DST: variants seen among roughly 807,000 people sequenced by gnomAD.
DST encodes the protein bullous pemphigoid antigen.
DST carries 253 observed loss-of-function variants against 875.2 expected under a neutral mutation model. The observed-to-expected ratio is 0.29, with a 90% CI of 0.26 to 0.32. The LOEUF is 0.32. DST is among the 10% of genes least tolerant of loss of function. The pLI, the probability that DST is intolerant of heterozygous loss-of-function variation, is 1.00. For synonymous variants in DST, 3,124 were observed against 3,197.1 expected, an observed-to-expected ratio of 0.98 and a Z score of 0.77; for missense variants, 8,287 against 9,111.6, an observed-to-expected ratio of 0.91 and a Z score of 3.68.
At chr6:56,562,919 T>C (rs1025419337) in intron 55 of DST, among the ~76,000 whole-genome samples, 1 of 152,154 alleles carries the variant, frequency 6.6e-6, no homozygotes, top group Non-Finnish European at 1.5e-5. Context: ...GACATGAACA[T>C]ATCCTTTTTT....
At chr6:56,520,803 T>C (rs2096682798) in intron 69 of DST, among the ~76,000 whole-genome samples, 1 of 152,058 alleles carries the variant, frequency 6.6e-6, no homozygotes, top group Non-Finnish European at 1.5e-5. Context: ...CCTATTTGTG[T>C]TTTCTCTCTT....
chr6:56,656,363 T>G (rs2099008632), intron 10 of DST, among the ~76,000 whole-genome samples: 2 of 152,248 alleles, frequency 1.3e-5, no homozygotes, highest in African/African-American at 4.8e-5. Context: ...CCTCCCTTCT[T>G]ATGCTCTCAT....
rs2094801898 is a variant in DST, at chr6:56,470,001, A to AC, written c.22477-45dup. The AC allele has an allele frequency of 3.1e-6, 5 of 1,599,516 alleles. No individual in the cohort carries two copies. The East Asian group carries it at 6.7e-5, about 21-fold the overall frequency. On this transcript the variant is annotated intron_variant, in intron 96 of 103. Transcript: ENST00000680361. Reference sequence around the variant, plus strand: ...AAATATTTACTTTAATGTCAATATTACATAGTACAATCCTTAAAACTTTGA... The same window carrying AC: ...AAATATTTACTTTAATGTCAATATTACCATAGTACAATCCTTAAAACTTTGA...
rs1225005076 is a variant in DST at position 56,501,062 on chromosome 6, G to A, written c.19896+18C>T. 1.2e-6 allele frequency: 2 copies of A among 1,608,712 alleles called. No individual in the cohort carries two copies. The highest frequency in any genetic ancestry group is 1.7e-6 in the Non-Finnish European group (2 of 1,177,324). On this transcript the variant is annotated intron_variant, in intron 80 of 103. Transcript: ENST00000680361. Reference sequence around the variant, plus strand: ...AATGGACAGAGAAGAAACATAACATGCATTAACAGCTACGTACATGATGCT... The same window carrying A: ...AATGGACAGAGAAGAAACATAACATACATTAACAGCTACGTACATGATGCT...
At chr6:56,948,967 T>C (rs560497900) in intron 2 of DST, among the ~76,000 whole-genome samples, 1 of 152,296 alleles carries the variant, frequency 6.6e-6, no homozygotes, top group Admixed American at 6.5e-5. Flanking sequence ...AATCTAAGTA[T>C]CAGTGACAAA....
At chr6:56,640,838 C>T (rs1024458718) in intron 17 of DST, among the ~76,000 whole-genome samples, 1 of 152,006 alleles carries the variant, frequency 6.6e-6, no homozygotes, top group Non-Finnish European at 1.5e-5. Flanking sequence ...GCCTAAACGG[C>T]TCAAAAATAC....
intron 61 of DST, among the ~76,000 whole-genome samples, chr6:56,550,632 A>G (rs2097306268): frequency 6.6e-6 from 1 of 152,206 alleles, no homozygotes; most frequent in African/African-American, 2.4e-5. Flanking sequence ...TACTTTGTCC[A>G]TTGTCTTACA....
Position 56,514,613 on chromosome 6 carries a change from C to CA in DST, c.18576+836_18576+837insT, listed in dbSNP as rs1562489040. ...CACACACACACACACACACACACAC[C>CA]CCCTCATGCGCATACACACACACAT... On this transcript the variant is annotated intron_variant, in intron 72 of 103. Coordinates refer to ENST00000680361, the MANE Select transcript of DST (RefSeq NM_001374736.1). Among the ~76,000 whole-genome samples, 120 of 90,580 alleles carry CA rather than the reference C, an allele frequency of 1.3e-3. 1 individual carries two copies. Among genetic ancestry groups the CA allele is most frequent in the African/African-American group, 4.5e-3 (108 of 23,868 alleles). 59.4% of individuals were successfully genotyped at this position (90,580 alleles called of 152,430 possible).
intron 61 of DST, among the ~76,000 whole-genome samples, chr6:56,551,500 G>A (rs1012471078): frequency 3.3e-5 from 5 of 152,074 alleles, no homozygotes; most frequent in Non-Finnish European, 5.9e-5. Flanking sequence ...TCATAAATAA[G>A]GCCAAATCCA....
Position 56,602,976 on chromosome 6 carries a change from T to A in DST, c.11213A>T (p.Asp3738Val), listed in dbSNP as rs761969848. Reference protein sequence around the residue: ...EFLHKLKSFSDWVSEKSKSVK... With the variant: ...EFLHKLKSFSVWVSEKSKSVK... The stretch of plus-strand genomic sequence containing the variant: ...AGATTTGCTCTTCTCTGATACCCAA[T>A]CTGAGAATGACTTAAGTTTATGCAG... Residue 3738 changes from aspartate (D) to valine (V), a missense_variant, in exon 43 of 104, where the codon GAT becomes GTT. Physicochemically the swap from Asp to Val is radical, Grantham distance 152 (BLOSUM62 -3). This residue lies in a region of DST where 3,138 missense variants were observed against 3,116.6 expected (regional missense o/e 1.01). Coordinates refer to ENST00000680361, the MANE Select transcript of DST (RefSeq NM_001374736.1). 6.3e-7 allele frequency: 1 copy of A among 1,596,094 alleles called. No homozygotes were observed. The highest frequency in any genetic ancestry group is 1.2e-5 in the South Asian group (1 of 86,828).
chr6:56,752,514 G>A (rs1446007469), intron 4 of DST, among the ~76,000 whole-genome samples: 1 of 152,028 alleles, frequency 6.6e-6, no homozygotes, highest in Admixed American at 6.6e-5. Context: ...CAGGCAACCT[G>A]ATTTCTGACA....
intron 2 of DST, among the ~76,000 whole-genome samples, chr6:56,946,413 A>G (rs984036654): frequency 2.6e-5 from 4 of 152,208 alleles, no homozygotes; most frequent in African/African-American, 9.6e-5. Context: ...CTTTTTCAGG[A>G]AACTTTTCTT....
intron 36 of DST, chr6:56,614,707 G>A (rs2098595386): frequency 3.5e-6 from 4 of 1,156,068 alleles, no homozygotes; most frequent in Non-Finnish European, 4.3e-6. Flanking sequence ...ATTCCTTAAT[G>A]ATTGGTCTAA....
chr6:56,605,028 A>T lies in DST; in HGVS notation c.9600T>A (p.Asn3200Lys), dbSNP rs769889946. ...TTAAAACATGGCTTGGGACATCTTC[A>T]TTTGGTTTGGCTACATCTTTTGCTT... ...NIKAKDVAKP[N>K]EDVPSHVLIT... The change falls in exon 40 of 104, where the codon AAT becomes AAA. Residue 3200 changes from asparagine to lysine, a missense_variant. Physicochemically the swap from Asn to Lys is moderately conservative, Grantham distance 94 (BLOSUM62 0). Coordinates refer to ENST00000680361, the MANE Select transcript of DST (RefSeq NM_001374736.1). 3.1e-6 allele frequency: 5 copies of T among 1,612,718 alleles called. No homozygotes were observed. Among genetic ancestry groups the T allele is most frequent in the Non-Finnish European group, 4.2e-6 (5 of 1,179,290 alleles).
intron 5 of DST, among the ~76,000 whole-genome samples, chr6:56,734,111 A>G (rs535471476): frequency 6.6e-6 from 1 of 152,358 alleles, no homozygotes; most frequent in African/African-American, 2.4e-5. Flanking sequence ...TTGAGAGAGG[A>G]CAGATGAACT....
chr6:56,687,292 A>G (rs1026150405), intron 9 of DST, among the ~76,000 whole-genome samples: 4 of 152,228 alleles, frequency 2.6e-5, no homozygotes, highest in Non-Finnish European at 4.4e-5. Context: ...GAATGAAAGC[A>G]GCAAGTCAAA....
intron 4 of DST, chr6:56,843,547 C>G: frequency 3.0e-6 from 3 of 984,154 alleles, no homozygotes; most frequent in Non-Finnish European, 3.6e-6. Flanking sequence ...GCTCTGCTGG[C>G]CCTGCACGAG....
At position 56,553,131 on chromosome 6, in the gene DST, T is replaced by C. The variant is rs375124396; in HGVS notation, c.15661A>G (p.Met5221Val). 5 of 1,613,910 alleles carry C rather than the reference T, an allele frequency of 3.1e-6. No individual in the cohort carries two copies. The highest frequency in any genetic ancestry group is 1.1e-5 in the South Asian group (1 of 91,092). Residue 5221 changes from methionine to valine, a missense_variant, in exon 61 of 104, where the codon ATG (methionine) becomes GTG (valine). By Grantham distance (21) the Met-to-Val change is conservative. Around this residue, in one of 10 missense-constraint regions of DST, gnomAD observed 1,513 missense variants for 1,677.8 expected, o/e 0.90. Coordinates refer to ENST00000680361, the MANE Select transcript of DST (RefSeq NM_001374736.1). ...GCTGTGTTGTTCAGTAATTCTACCA[T>C]ACCAAAGTGTTGGTCCATTTCCTTC... ...LQKEMDQHFG[M>V]VELLNNTANS...
intron 55 of DST, among the ~76,000 whole-genome samples, chr6:56,562,614 T>G (rs989902020): frequency 1.3e-5 from 2 of 151,954 alleles, no homozygotes; most frequent in Admixed American, 1.3e-4. Context: ...TATTATATTT[T>G]AAGTTCTGGG....
Sources: gnomAD v4.1 joint callset for allele counts (sites outside exome capture counted in the v4.1 genomes callset) on GRCh38, gnomAD v4.1.1 for gene constraint, gnomAD v4.1.1 regional missense constraint, MANE v1.5 for transcripts, NCBI Gene and HGNC (gene_info 2026-07-23, HGNC 2026-07-21) for gene names.